Variants in ASIC2 observed in about 807,000 individuals in gnomAD.
The protein encoded by ASIC2 is acid sensing ion channel subunit 2, also known as acid-sensing ion channel 2.
A neutral mutation model predicts 57.3 loss-of-function variants in ASIC2; 25 were observed. The observed-to-expected ratio is 0.44, with a 90% CI of 0.32 to 0.61. ASIC2 has a LOEUF of 0.61. Among genes scored for constraint, ASIC2 ranks in the 20% least tolerant of loss-of-function variants. The pLI, the probability that ASIC2 is intolerant of heterozygous loss-of-function variation, is 0.06. For synonymous variants in ASIC2, 319 were observed against 307.5 expected (o/e 1.04, Z -0.39); for missense variants, 641 against 738.1 (o/e 0.87, Z 1.52).
At chr17:33,542,139 T>C (rs932783327) in intron 1 of ASIC2, among the ~76,000 whole-genome samples, 22 of 152,310 alleles carry the variant, frequency 1.4e-4, no homozygotes, top group African/African-American at 5.3e-4. Context: ...TTCAAATCAA[T>C]CTTCATTGTT....
At chr17:33,933,900 C>A (rs1050424336) in intron 1 of ASIC2, among the ~76,000 whole-genome samples, 1 of 152,232 alleles carries the variant, frequency 6.6e-6, no homozygotes, top group African/African-American at 2.4e-5. Context: ...TTCATGCCTG[C>A]CCCTTGGGCA....
intron 1 of ASIC2, among the ~76,000 whole-genome samples, chr17:33,432,199 A>T (rs1378627410): frequency 2.0e-5 from 3 of 152,212 alleles, no homozygotes. Flanking sequence ...CAGTCTACTC[A>T]ACGTGAAGAC....
chr17:33,206,292 G>C (rs753495059), intron 1 of ASIC2, among the ~76,000 whole-genome samples: 15 of 152,268 alleles, frequency 9.9e-5, no homozygotes, highest in Non-Finnish European at 1.9e-4. Flanking sequence ...ATTACTTCTG[G>C]GATTGGAGGG....
chr17:33,363,874 C>T (rs1368581706), intron 1 of ASIC2, among the ~76,000 whole-genome samples: 3 of 152,236 alleles, frequency 2.0e-5, no homozygotes, highest in Non-Finnish European at 4.4e-5. Flanking sequence ...CCTCCTCTCA[C>T]CCTTTCCTGG....
chr17:33,641,008 T>G (rs1291950487), intron 1 of ASIC2, among the ~76,000 whole-genome samples: 1 of 152,068 alleles, frequency 6.6e-6, no homozygotes, highest in Non-Finnish European at 1.5e-5. Flanking sequence ...ATAGACCCTA[T>G]GGGAGAAGGG....
chr17:33,485,357 C>T (rs1913543895), intron 1 of ASIC2, among the ~76,000 whole-genome samples: 1 of 152,198 alleles, frequency 6.6e-6, no homozygotes, highest in South Asian at 2.1e-4. Flanking sequence ...GGGCTAGAAT[C>T]CAAGGGCACT....
chr17:33,597,633 T>G (rs1905021237), intron 1 of ASIC2, among the ~76,000 whole-genome samples: 1 of 152,214 alleles, frequency 6.6e-6, no homozygotes, highest in Non-Finnish European at 1.5e-5. Context: ...GTTGCTGTAA[T>G]TACAATAATC....
intron 1 of ASIC2, among the ~76,000 whole-genome samples, chr17:33,546,437 G>T (rs180849382): frequency 6.6e-6 from 1 of 152,254 alleles, no homozygotes; most frequent in South Asian, 2.1e-4. Flanking sequence ...TAGACTAAGG[G>T]TGCTAGAATT....
chr17:33,039,807 C>A (rs1443036101), intron 3 of ASIC2, among the ~76,000 whole-genome samples: 1 of 152,176 alleles, frequency 6.6e-6, no homozygotes, highest in Non-Finnish European at 1.5e-5. Flanking sequence ...CCTCCTTCAC[C>A]TGCCTGATCC....
intron 3 of ASIC2, among the ~76,000 whole-genome samples, chr17:33,033,077 T>G (rs1377323300): frequency 1.3e-5 from 2 of 152,196 alleles, no homozygotes; most frequent in African/African-American, 4.8e-5. Flanking sequence ...AAGACCAGCC[T>G]AGGCAACATA....
At chr17:33,787,783 C>T (rs940382385) in intron 1 of ASIC2, among the ~76,000 whole-genome samples, 10 of 152,098 alleles carry the variant, frequency 6.6e-5, no homozygotes, top group African/African-American at 2.2e-4. Flanking sequence ...CCATCCAAAT[C>T]GCATGTTCAA....
chr17:33,821,407 A>G lies in ASIC2; in HGVS notation c.555+334571T>C, dbSNP rs534206906. Among the ~76,000 whole-genome samples, 19 of 152,290 alleles carry G rather than the reference A, an allele frequency of 1.2e-4. 1 individual carries two copies. The South Asian group carries it at 2.3e-3, about 18-fold the overall frequency. On this transcript the variant is annotated intron_variant, in intron 1 of 9. Coordinates refer to the ASIC2 transcript ENST00000359872. ...GAGCTAATCTTTGTTGAGTCTATGC[A>G]CACCTCTTGGCCCTTTAATACACTT...
At chr17:33,490,536 G>A (rs960890857) in intron 1 of ASIC2, among the ~76,000 whole-genome samples, 17 of 152,182 alleles carry the variant, frequency 1.1e-4, no homozygotes, top group African/African-American at 3.4e-4. Context: ...TTTCCATGCC[G>A]TTCCATTGAT....
intron 1 of ASIC2, chr17:34,051,885 AGAGAGCG>A (rs1908580640): frequency 6.6e-6 from 1 of 151,866 alleles, no homozygotes; most frequent in Non-Finnish European, 1.5e-5. Context: ...CGAGAGAGCG[AGAGAGCG>A]AGAGAGTGAG....
intron 1 of ASIC2, among the ~76,000 whole-genome samples, chr17:33,515,343 G>A (rs894912506): frequency 2.6e-5 from 4 of 152,142 alleles, no homozygotes; most frequent in Non-Finnish European, 5.9e-5. Flanking sequence ...GCTCAGGTGG[G>A]CCTCAGAAGT....
intron 1 of ASIC2, among the ~76,000 whole-genome samples, chr17:33,775,859 G>A (rs150660271): frequency 1.9e-3 from 296 of 152,276 alleles, no homozygotes; most frequent in African/African-American, 7.0e-3. Flanking sequence ...CAGACTGGAC[G>A]CTGTGGCTCA....
At chr17:33,596,614 A>G (rs1904986820) in intron 1 of ASIC2, among the ~76,000 whole-genome samples, 1 of 152,156 alleles carries the variant, frequency 6.6e-6, no homozygotes, top group Non-Finnish European at 1.5e-5. Flanking sequence ...TGTCAGGTAG[A>G]TAGGACCCTC....
chr17:33,701,104 C>T (rs932935248), intron 1 of ASIC2, among the ~76,000 whole-genome samples: 1 of 152,200 alleles, frequency 6.6e-6, no homozygotes, highest in Non-Finnish European at 1.5e-5. Flanking sequence ...TCAGTCTACT[C>T]TGACTTAGAA....
intron 1 of ASIC2, among the ~76,000 whole-genome samples, chr17:33,429,926 T>G (rs967492487): frequency 3.3e-5 from 5 of 152,174 alleles, no homozygotes; most frequent in Non-Finnish European, 7.3e-5. Flanking sequence ...AACACCAGCC[T>G]GTGCACAAAA....
Sources: gnomAD v4.1 joint callset for allele counts (sites outside exome capture counted in the v4.1 genomes callset) on GRCh38, gnomAD v4.1.1 for gene constraint, MANE v1.5 for transcripts, NCBI Gene and HGNC (gene_info 2026-07-23, HGNC 2026-07-21) for gene names.